FOXN1: variants seen among roughly 807,000 people sequenced by gnomAD.
The protein encoded by FOXN1 is forkhead box N1.
Under a neutral mutation model 49.0 loss-of-function variants are expected in FOXN1, and 15 were observed. That is an observed-to-expected ratio of 0.31 (90% CI 0.20 to 0.47). FOXN1 has a LOEUF of 0.47. Among genes scored for constraint, FOXN1 ranks in the 20% least tolerant of loss-of-function variants. The probability of loss-of-function intolerance (pLI) is 1.00; values close to 1 mark genes in which losing one functional copy is unlikely to be tolerated. For missense variants in FOXN1, 800 were observed against 842.8 expected (o/e 0.95, Z 0.63); for synonymous variants, 356 against 369.0 (o/e 0.96, Z 0.40).
chr17:28,507,361 G>C (rs1186545512), intron 1 of FOXN1, among the ~76,000 whole-genome samples: 2 of 152,202 alleles, frequency 1.3e-5, no homozygotes, highest in African/African-American at 4.8e-5. Flanking sequence ...ACTCTAGCAA[G>C]TGGGCGTGTT....
rs1301618106 is a variant in FOXN1 at position 28,534,697 on chromosome 17, G to A, written c.1136-10G>A. ...GTCTCATGGTGTTCTTTCTCTCTTG[G>A]GCCTTTCAGAAGAGCTGGACAGCCT... On this transcript the variant is annotated splice_polypyrimidine_tract_variant and intron_variant, in intron 7 of 8. Coordinates refer to ENST00000579795, the MANE Select transcript of FOXN1 (RefSeq NM_001369369.1). The surrounding 1 kb of genome is among the most constrained non-coding windows in gnomAD (Gnocchi z 4.1). 5.6e-6 allele frequency: 9 copies of A among 1,613,186 alleles called. No individual in the cohort carries two copies. Among genetic ancestry groups the A allele is most frequent in the Non-Finnish European group, 7.6e-6 (9 of 1,179,918 alleles).
At chr17:28,510,563 C>T (rs1163743469) in intron 1 of FOXN1, among the ~76,000 whole-genome samples, 1 of 122,300 alleles carries the variant, frequency 8.2e-6, no homozygotes, top group African/African-American at 3.7e-5. Context: ...AGGACACACA[C>T]ACACACGCAC....
At chr17:28,529,015 T>G in intron 4 of FOXN1, 79 bp from the exon 5 acceptor site, 9 of 1,547,990 alleles carry the variant, frequency 5.8e-6, no homozygotes, top group East Asian at 2.3e-5. Flanking sequence ...CTTCTCTGGA[T>G]GTATATAAAT....
chr17:28,531,670 TTGTG>T (rs1184245100), intron 6 of FOXN1, among the ~76,000 whole-genome samples: 7 of 151,718 alleles, frequency 4.6e-5, no homozygotes, highest in African/African-American at 1.7e-4. Flanking sequence ...AGACCAGAGA[TTGTG>T]TGTGAGGAGT....
At chr17:28,529,286 T>C (rs941249588) in intron 5 of FOXN1, 62 bp downstream of exon 5, 1 of 1,594,180 alleles carries the variant, frequency 6.3e-7, no homozygotes, top group African/African-American at 1.3e-5. Context: ...CTGGGAACAC[T>C]GAGGCATGGA....
At chr17:28,528,611 C>T (rs1043321080) in intron 4 of FOXN1, among the ~76,000 whole-genome samples, 1 of 152,130 alleles carries the variant, frequency 6.6e-6, no homozygotes, top group Admixed American at 6.5e-5. Flanking sequence ...CTCCCTTTGC[C>T]GTAAAACCAC....
intron 4 of FOXN1, among the ~76,000 whole-genome samples, chr17:28,527,791 T>A (rs926727739): frequency 6.6e-6 from 1 of 152,198 alleles, no homozygotes; most frequent in Non-Finnish European, 1.5e-5. Context: ...GGCCTCCAAC[T>A]TCTATTAGCC....
chr17:28,523,703 C>G (rs1044664112), intron 1 of FOXN1, among the ~76,000 whole-genome samples: 1 of 152,192 alleles, frequency 6.6e-6, no homozygotes, highest in African/African-American at 2.4e-5. Flanking sequence ...GAGGCTCCTA[C>G]CTGGCTCACT....
intron 1 of FOXN1, among the ~76,000 whole-genome samples, chr17:28,510,718 G>A (rs1312338618): frequency 1.3e-5 from 2 of 152,196 alleles, no homozygotes; most frequent in East Asian, 3.8e-4. Flanking sequence ...TGGGGGCAGT[G>A]TCCCCAGCTT....
Position 28,537,419 on chromosome 17 carries a change from C to T in FOXN1, c.1930C>T (p.Pro644Ser). 2 of 1,612,718 alleles carry T rather than the reference C, an allele frequency of 1.2e-6. No individual in the cohort carries two copies. The highest frequency in any genetic ancestry group is 4.5e-5 in the East Asian group (2 of 44,878). The change falls in exon 9 of 9, where the codon CCC becomes TCC. Residue 644 changes from proline to serine, a missense_variant. Coordinates refer to ENST00000579795, the MANE Select transcript of FOXN1 (RefSeq NM_001369369.1). ...TGTGTACCTCAGCCCCAGCTCCAAG[C>T]CCGTGGCCCTGGCATGAGCTGTGCC... ...PSVYLSPSSKPVALA is the reference protein window; with the variant it reads ...PSVYLSPSSKSVALA
chr17:28,522,309 G>A (rs2069657260), intron 1 of FOXN1, among the ~76,000 whole-genome samples: 1 of 152,206 alleles, frequency 6.6e-6, no homozygotes. Flanking sequence ...ACATTTAAGA[G>A]GAATTGCTCT....
intron 3 of FOXN1, 79 bp downstream of exon 3, chr17:28,525,046 A>G: frequency 8.8e-7 from 1 of 1,131,990 alleles, no homozygotes. Context: ...CAGACCTCTG[A>G]GACCAAAGTC....
chr17:28,536,531 C>T (rs546830310), intron 8 of FOXN1, among the ~76,000 whole-genome samples: 3 of 152,244 alleles, frequency 2.0e-5, no homozygotes, highest in African/African-American at 7.2e-5. Context: ...CAGGCCCTCT[C>T]TCTCCAGAGC....
At position 28,529,088 on chromosome 17, in the gene FOXN1, C is replaced by G; in HGVS notation, c.700-6C>G. 1 of 1,614,056 alleles carries G rather than the reference C, an allele frequency of 6.2e-7. No homozygotes were observed. Among genetic ancestry groups the G allele is most frequent in the Non-Finnish European group, 8.5e-7 (1 of 1,179,970 alleles). The stretch of plus-strand genomic sequence containing the variant: ...GCAATCACTCTGCCCCTTTTGACCT[C>G]CTCAGTACTCGCCAGGTGGTGGCAG... On this transcript the variant is annotated splice_polypyrimidine_tract_variant and splice_region_variant and intron_variant, in intron 4 of 8. Transcript: ENST00000579795.
chr17:28,513,682 G>A (rs1271172744), intron 1 of FOXN1, among the ~76,000 whole-genome samples: 1 of 152,258 alleles, frequency 6.6e-6, no homozygotes, highest in African/African-American at 2.4e-5. Flanking sequence ...GGCCGGTCCA[G>A]GCATGTGGGA....
chr17:28,516,801 C>T (rs1299829834), intron 1 of FOXN1, among the ~76,000 whole-genome samples: 1 of 89,258 alleles, frequency 1.1e-5, no homozygotes, highest in Non-Finnish European at 2.7e-5. Flanking sequence ...CACATCTCCA[C>T]AGGGTACACA....
Position 28,534,628 on chromosome 17 carries a change from C to A in FOXN1, c.1136-79C>A. 6.2e-7 allele frequency: 1 copy of A among 1,605,828 alleles called. No homozygotes were observed. Among genetic ancestry groups the A allele is most frequent in the Non-Finnish European group, 8.5e-7 (1 of 1,176,596 alleles). On this transcript the variant is annotated intron_variant, in intron 7 of 8. Transcript: ENST00000579795. The surrounding 1 kb of genome is among the most constrained non-coding windows in gnomAD (Gnocchi z 4.1). The stretch of plus-strand genomic sequence containing the variant: ...AGAGAATCAGAGAATGAGGCAAGGC[C>A]CCGAGTAAGGGTTCCAGTCTGGGGA...
At chr17:28,507,805 G>T (rs1335280716) in intron 1 of FOXN1, among the ~76,000 whole-genome samples, 1 of 152,206 alleles carries the variant, frequency 6.6e-6, no homozygotes, top group African/African-American at 2.4e-5. Flanking sequence ...GGCAGTACAA[G>T]GGCACCCCGA....
intron 3 of FOXN1, 123 bp downstream of exon 3, chr17:28,525,090 C>T (rs2069737736): frequency 1.2e-6 from 1 of 822,822 alleles, no homozygotes; most frequent in Non-Finnish European, 2.0e-6. Context: ...CCACTCAAGA[C>T]CAGAGAGTTG....
Sources: gnomAD v4.1 joint callset for allele counts (sites outside exome capture counted in the v4.1 genomes callset) on GRCh38, gnomAD v4.1.1 for gene constraint, Gnocchi (gnomAD v3.1) non-coding constraint, MANE v1.5 for transcripts, NCBI Gene and HGNC (gene_info 2026-07-23, HGNC 2026-07-21) for gene names.